Variants in IMMP2L observed in about 807,000 individuals in gnomAD.
IMMP2L encodes mitochondrial inner membrane protease subunit 2.
Under a neutral mutation model 19.3 loss-of-function variants are expected in IMMP2L, and 18 were observed. That is an observed-to-expected ratio of 0.93 (90% CI 0.64 to 1.38). IMMP2L has a LOEUF of 1.38. Among genes scored for constraint, IMMP2L ranks in the 40% most tolerant of loss-of-function variants. The pLI is 0.00. For synonymous variants in IMMP2L, 76 were observed against 73.0 expected (o/e 1.04, Z -0.21); for missense variants, 233 against 218.2 (o/e 1.07, Z -0.43).
chr7:111,441,650 G>A (rs566643500), intron 3 of IMMP2L, among the ~76,000 whole-genome samples: 17 of 150,682 alleles, frequency 1.1e-4, no homozygotes, highest in Admixed American at 2.6e-4. Context: ...CATGAAGTGA[G>A]CACATGGTGT....
rs1162823389 is a variant in IMMP2L at position 110,877,361 on chromosome 7, C to T, written c.408+9232G>A. On this transcript the variant is annotated intron_variant, in intron 5 of 5. Transcript: ENST00000405709. The surrounding 1 kb of genome is among the most constrained non-coding windows in gnomAD (Gnocchi z 4.0). ...TCTTTTCACACACAGAATCACTGTG[C>T]AATTATACTGCAAATGCTGTGTGGG... Among the ~76,000 whole-genome samples, 1 of 152,116 alleles carries T rather than the reference C, an allele frequency of 6.6e-6. No individual in the cohort carries two copies. Among genetic ancestry groups the T allele is most frequent in the Non-Finnish European group, 1.5e-5 (1 of 68,022 alleles).
chr7:111,500,673 G>A (rs1366181503), intron 2 of IMMP2L, among the ~76,000 whole-genome samples: 2 of 152,134 alleles, frequency 1.3e-5, no homozygotes, highest in African/African-American at 2.4e-5. Flanking sequence ...TACAGCCACC[G>A]CTGTTCTGCA....
chr7:111,301,773 A>G (rs181399947), intron 3 of IMMP2L, among the ~76,000 whole-genome samples: 14 of 152,066 alleles, frequency 9.2e-5, no homozygotes, highest in African/African-American at 2.9e-4. Flanking sequence ...ACATCTGTGT[A>G]GGCTATTTCT....
At chr7:111,271,232 G>C (rs1055754413) in intron 3 of IMMP2L, among the ~76,000 whole-genome samples, 2 of 152,008 alleles carry the variant, frequency 1.3e-5, no homozygotes, top group Non-Finnish European at 2.9e-5. Context: ...CATCATGATT[G>C]TAAGTTTCCT....
chr7:111,416,587 T>C (rs2131562947), intron 3 of IMMP2L, among the ~76,000 whole-genome samples: 1 of 151,912 alleles, frequency 6.6e-6, no homozygotes, highest in South Asian at 2.1e-4. Context: ...ATGTAAAAAG[T>C]TTTAACCCCT....
chr7:110,797,911 T>C (rs542134928), intron 5 of IMMP2L, among the ~76,000 whole-genome samples: 1 of 152,094 alleles, frequency 6.6e-6, no homozygotes, highest in Non-Finnish European at 1.5e-5. Flanking sequence ...GAAATGGATC[T>C]TGCATTGTGC....
chr7:111,104,070 C>G (rs1332975764), intron 3 of IMMP2L, among the ~76,000 whole-genome samples: 1 of 151,640 alleles, frequency 6.6e-6, no homozygotes. Flanking sequence ...TTTTCACTTC[C>G]CCAGCATAAC....
chr7:110,841,954 C>T (rs1001749705), intron 5 of IMMP2L, among the ~76,000 whole-genome samples: 6 of 152,234 alleles, frequency 3.9e-5, no homozygotes, highest in East Asian at 1.9e-4. Flanking sequence ...TTATAAAGTA[C>T]ACTCAAAGCT....
chr7:110,972,974 T>G (rs1010277852), intron 3 of IMMP2L, among the ~76,000 whole-genome samples: 1 of 152,066 alleles, frequency 6.6e-6, no homozygotes, highest in African/African-American at 2.4e-5. Context: ...AAACTTCTAT[T>G]GTTTGTAAGA....
intron 5 of IMMP2L, among the ~76,000 whole-genome samples, chr7:110,812,162 T>A (rs1216798564): frequency 1.3e-5 from 2 of 152,038 alleles, no homozygotes; most frequent in Non-Finnish European, 2.9e-5. Flanking sequence ...AGGAAGTGAA[T>A]CTCTTTTACT....
chr7:111,471,682 T>C (rs1841285204), intron 3 of IMMP2L, among the ~76,000 whole-genome samples: 1 of 152,122 alleles, frequency 6.6e-6, no homozygotes, highest in South Asian at 2.1e-4. Flanking sequence ...AAAGTGTTAG[T>C]AGACAATTTA....
intron 3 of IMMP2L, among the ~76,000 whole-genome samples, chr7:111,117,010 A>G (rs1239067109): frequency 6.6e-6 from 1 of 152,182 alleles, no homozygotes; most frequent in Non-Finnish European, 1.5e-5. Context: ...GCCTTAATTT[A>G]ATGATTAAAG....
intron 3 of IMMP2L, among the ~76,000 whole-genome samples, chr7:111,243,041 T>C (rs1587001948): frequency 6.6e-6 from 1 of 152,100 alleles, no homozygotes; most frequent in South Asian, 2.1e-4. Context: ...GCACTTTTCT[T>C]GTGAACCACA....
At chr7:110,840,135 T>C (rs1804920797) in intron 5 of IMMP2L, among the ~76,000 whole-genome samples, 1 of 152,086 alleles carries the variant, frequency 6.6e-6, no homozygotes, top group Admixed American at 6.6e-5. Context: ...CTGCTAGAAG[T>C]TCCCTCCTAT....
intron 5 of IMMP2L, among the ~76,000 whole-genome samples, chr7:110,783,303 A>G (rs566505131): frequency 6.6e-6 from 1 of 151,946 alleles, no homozygotes; most frequent in South Asian, 2.1e-4. Context: ...TTTATCAAGT[A>G]GGTACCAACA....
chr7:110,996,435 C>G (rs1823037143), intron 3 of IMMP2L, among the ~76,000 whole-genome samples: 2 of 152,050 alleles, frequency 1.3e-5, no homozygotes, highest in African/African-American at 4.8e-5. Context: ...CAATACAGAA[C>G]AGCACAAGCC....
At chr7:110,856,636 G>A (rs1481831393) in intron 5 of IMMP2L, among the ~76,000 whole-genome samples, 1 of 151,978 alleles carries the variant, frequency 6.6e-6, no homozygotes, top group East Asian at 1.9e-4. Context: ...GGCACGTAAG[G>A]GAAATTGATT....
At chr7:111,366,439 A>G (rs1829774030) in intron 3 of IMMP2L, among the ~76,000 whole-genome samples, 1 of 151,954 alleles carries the variant, frequency 6.6e-6, no homozygotes, top group Admixed American at 6.6e-5. Flanking sequence ...GTTATAGATT[A>G]AAGATTAAAA....
chr7:110,836,945 T>A (rs1804543149), intron 5 of IMMP2L, among the ~76,000 whole-genome samples: 1 of 152,178 alleles, frequency 6.6e-6, no homozygotes, highest in South Asian at 2.1e-4. Flanking sequence ...TTCTGAAAAG[T>A]AATATGGCAA....
Sources: allele counts gnomAD v4.1 joint callset (sites outside exome capture counted in the v4.1 genomes callset), GRCh38; gene constraint gnomAD v4.1.1; non-coding constraint Gnocchi (gnomAD v3.1); transcripts MANE v1.5; gene names NCBI Gene and HGNC (gene_info 2026-07-23, HGNC 2026-07-21).